The following EXOC4 variants were observed in gnomAD, a reference collection of about 807,000 sequenced individuals.
EXOC4 encodes the protein SEC8-like 1.
Under a neutral mutation model 107.2 loss-of-function variants are expected in EXOC4, and 71 were observed. That is an observed-to-expected ratio of 0.66 (90% CI 0.55 to 0.81). The LOEUF is 0.81. Ranked by LOEUF, EXOC4 falls within the 30% of genes least tolerant of loss-of-function variation. The probability of loss-of-function intolerance (pLI) is 0.00; values close to 1 mark genes in which losing one functional copy is unlikely to be tolerated. For synonymous variants in EXOC4, 456 were observed against 441.2 expected, an observed-to-expected ratio of 1.03 and a Z score of -0.42; for missense variants, 1,108 against 1,189.6, an observed-to-expected ratio of 0.93 and a Z score of 1.01.
intron 12 of EXOC4, 39 bp from the exon 13 acceptor site, chr7:133,917,544 A>C (rs778842675): frequency 1.9e-6 from 3 of 1,594,556 alleles, no homozygotes; most frequent in Admixed American, 1.7e-5. Context: ...AATACCAGGC[A>C]TCATGCTACA....
intron 17 of EXOC4, among the ~76,000 whole-genome samples, chr7:134,021,720 C>CAAAAA (rs1795034140): frequency 1.1e-5 from 1 of 87,004 alleles, no homozygotes; most frequent in African/African-American, 4.7e-5. Flanking sequence ...GGAGTCAAAC[C>CAAAAA]AGAAAAAAAA....
intron 10 of EXOC4, among the ~76,000 whole-genome samples, chr7:133,747,941 C>A (rs559598246): frequency 1.3e-5 from 2 of 152,142 alleles, no homozygotes; most frequent in Admixed American, 6.6e-5. Flanking sequence ...ACATCCTGAT[C>A]GAAGATTTGG....
intron 17 of EXOC4, among the ~76,000 whole-genome samples, chr7:134,027,780 C>G (rs767225977): frequency 6.6e-6 from 1 of 151,992 alleles, no homozygotes; most frequent in Non-Finnish European, 1.5e-5. Flanking sequence ...CTGGTTGGCT[C>G]AGATCACTAG....
chr7:133,753,347 C>T (rs1795833021), intron 10 of EXOC4, among the ~76,000 whole-genome samples: 1 of 152,112 alleles, frequency 6.6e-6, no homozygotes, highest in African/African-American at 2.4e-5. Flanking sequence ...ATTTATTCAC[C>T]TTTGTGTTAC....
Position 133,736,257 on chromosome 7 carries a change from C to G in EXOC4, c.1515-81068C>G, listed in dbSNP as rs2151122999. ...AAACAGTAGGCTGTGTTCCTTTTCT[C>G]TACTTTAACCACCCACTGACTCTAC... On this transcript the variant is annotated intron_variant, in intron 10 of 17. Coordinates refer to ENST00000253861, the MANE Select transcript of EXOC4 (RefSeq NM_021807.4). Among the ~76,000 whole-genome samples, 4 of 152,318 alleles carry G rather than the reference C, an allele frequency of 2.6e-5. No individual in the cohort carries two copies. In the South Asian group the frequency reaches 8.3e-4, roughly 32 times the overall value.
At chr7:133,653,111 G>C (rs1343881539) in intron 10 of EXOC4, among the ~76,000 whole-genome samples, 1 of 152,162 alleles carries the variant, frequency 6.6e-6, no homozygotes, top group African/African-American at 2.4e-5. Context: ...TTATATGTTT[G>C]CATCTGTAAT....
At chr7:133,656,108 G>T (rs958429910) in intron 10 of EXOC4, among the ~76,000 whole-genome samples, 1 of 152,056 alleles carries the variant, frequency 6.6e-6, no homozygotes, top group East Asian at 1.9e-4. Context: ...ATCCTTGACC[G>T]AAACGTCATC....
intron 6 of EXOC4, among the ~76,000 whole-genome samples, chr7:133,368,840 A>G (rs1457258389): frequency 6.6e-6 from 1 of 152,174 alleles, no homozygotes; most frequent in Non-Finnish European, 1.5e-5. Context: ...CAATTAATTG[A>G]AATTAAAATC....
At chr7:133,988,763 T>C (rs1050362970) in intron 14 of EXOC4, among the ~76,000 whole-genome samples, 9 of 152,034 alleles carry the variant, frequency 5.9e-5, no homozygotes, top group African/African-American at 2.2e-4. Flanking sequence ...AGACAGGTGG[T>C]AAATCAAACG....
At chr7:133,654,969 T>G (rs1019296299) in intron 10 of EXOC4, among the ~76,000 whole-genome samples, 3 of 152,146 alleles carry the variant, frequency 2.0e-5, no homozygotes, top group African/African-American at 4.8e-5. Context: ...TGCAGCTGTA[T>G]AGGTCCTTTA....
At chr7:133,438,861 T>G (rs1448562168) in intron 7 of EXOC4, among the ~76,000 whole-genome samples, 1 of 152,238 alleles carries the variant, frequency 6.6e-6, no homozygotes, top group Non-Finnish European at 1.5e-5. Context: ...TTGTTTTCCT[T>G]ATCTCAAAAA....
chr7:133,392,272 T>G (rs1796870220), intron 7 of EXOC4, among the ~76,000 whole-genome samples: 1 of 152,124 alleles, frequency 6.6e-6, no homozygotes. Context: ...AGGAAGAAAT[T>G]TTATCTCTTG....
intron 14 of EXOC4, among the ~76,000 whole-genome samples, chr7:133,941,571 C>A (rs1800428621): frequency 6.6e-6 from 1 of 152,062 alleles, no homozygotes; most frequent in Admixed American, 6.6e-5. Flanking sequence ...AGCTCCTGAC[C>A]ACACCAAAGG....
At chr7:133,275,210 C>T in intron 2 of EXOC4, 39 bp downstream of exon 2, 1 of 1,513,786 alleles carries the variant, frequency 6.6e-7, no homozygotes, top group African/African-American at 1.4e-5. Context: ...CAGCACTTCC[C>T]ATCACTATAG....
chr7:133,971,222 T>C (rs1481895452), intron 14 of EXOC4, among the ~76,000 whole-genome samples: 1 of 151,328 alleles, frequency 6.6e-6, no homozygotes, highest in Non-Finnish European at 1.5e-5. Context: ...GAGTAAGAGA[T>C]TGATTTCTCT....
At chr7:133,442,707 G>T (rs1798131172) in intron 7 of EXOC4, among the ~76,000 whole-genome samples, 1 of 152,138 alleles carries the variant, frequency 6.6e-6, no homozygotes, top group African/African-American at 2.4e-5. Context: ...GAGGAGGTGG[G>T]AGTAGATGGA....
At chr7:133,420,961 C>T (rs1470658019) in intron 7 of EXOC4, among the ~76,000 whole-genome samples, 1 of 150,310 alleles carries the variant, frequency 6.7e-6, no homozygotes, top group Non-Finnish European at 1.5e-5. Context: ...CTAACTTGGG[C>T]TTAAGAAAAA....
intron 11 of EXOC4, among the ~76,000 whole-genome samples, chr7:133,870,008 G>T (rs1798717896): frequency 1.3e-5 from 2 of 152,182 alleles, no homozygotes; most frequent in Middle Eastern, 3.2e-3. Context: ...TTATTTGGCA[G>T]TTTGGAGTAA....
intron 10 of EXOC4, among the ~76,000 whole-genome samples, chr7:133,694,996 A>G (rs1364362478): frequency 6.6e-6 from 1 of 151,872 alleles, no homozygotes; most frequent in Non-Finnish European, 1.5e-5. Flanking sequence ...CTAATTTTGT[A>G]TTTTTAGTAG....
Sources: gnomAD v4.1 joint callset for allele counts (sites outside exome capture counted in the v4.1 genomes callset) on GRCh38, gnomAD v4.1.1 for gene constraint, MANE v1.5 for transcripts, NCBI Gene and HGNC (gene_info 2026-07-23, HGNC 2026-07-21) for gene names.